JMY: variants seen among roughly 807,000 people sequenced by gnomAD.
JMY encodes the protein junction mediating and regulatory protein, p53 cofactor.
In JMY, 46 loss-of-function variants were observed where a neutral mutation model predicts 103.3. The ratio of observed to expected loss-of-function variants is 0.45; its 90% CI spans 0.35 to 0.57. The LOEUF is 0.57. Among genes scored for constraint, JMY ranks in the 20% least tolerant of loss-of-function variants. The pLI, the probability that JMY is intolerant of heterozygous loss-of-function variation, is 0.00. For missense variants in JMY, 1,238 were observed against 1,255.2 expected, an observed-to-expected ratio of 0.99 and a Z score of 0.21; for synonymous variants, 526 against 489.3, an observed-to-expected ratio of 1.07 and a Z score of -0.99.
chr5:79,322,124 A>G lies in JMY; in HGVS notation c.*522A>G, dbSNP rs1747473471. ...TCAGGCATTAAAATCAAATGGAAAT[A>G]CACCTAAAATGTCCGCATTACTCAT... On this transcript the variant is annotated 3_prime_UTR_variant, in exon 11 of 11. Coordinates refer to ENST00000396137, the MANE Select transcript of JMY (RefSeq NM_152405.5). 6.6e-6 allele frequency: 1 copy of G among 152,254 alleles called. No homozygotes were observed. The highest frequency in any genetic ancestry group is 2.4e-5 in the African/African-American group (1 of 41,470). The allele number at this position is 152,254 out of a possible 1,614,324, so 9.4% of individuals were successfully genotyped here.
chr5:79,261,160 G>A (rs979044507), intron 1 of JMY, among the ~76,000 whole-genome samples: 3 of 152,026 alleles, frequency 2.0e-5, no homozygotes, highest in Non-Finnish European at 4.4e-5. Context: ...AAGATGAAAA[G>A]CTACATGCTT....
rs751226936 is a variant in JMY at position 79,290,252 on chromosome 5, A to G, written c.1338A>G (p.Ile446Met). 7.9e-6 allele frequency: 12 copies of G among 1,511,590 alleles called. No homozygotes were observed. Among genetic ancestry groups the G allele is most frequent in the Non-Finnish European group, 4.4e-6 (5 of 1,125,006 alleles). The allele number at this position is 1,511,590 out of a possible 1,614,324, so 93.6% of individuals were successfully genotyped here. A position where few individuals can be genotyped will look rare whatever the true frequency, so the allele number is the denominator to read the frequency against. The change falls in exon 3 of 11, where the codon ATA becomes ATG. Residue 446 changes from isoleucine to methionine, a missense_variant. Ile to Met is a conservative substitution (Grantham distance 10, BLOSUM62 1). Transcript: ENST00000396137. ...ATCTTACTGTCAAGTACTTTGAAAT[A>G]ACAGCTAAAGCTCAAAAAGGTAGGT... ...IQDLTVKYFEITAKAQKAVYD... is the reference protein window; with the variant it reads ...IQDLTVKYFEMTAKAQKAVYD...
chr5:79,252,737 C>G (rs376093361), intron 1 of JMY, among the ~76,000 whole-genome samples: 3 of 152,302 alleles, frequency 2.0e-5, no homozygotes, highest in Non-Finnish European at 2.9e-5. Flanking sequence ...TAGTTGTTGT[C>G]TTGAAATCTA....
rs1468735765 is a variant in JMY, at chr5:79,300,850, T to A, written c.1868T>A (p.Leu623His). The A allele has an allele frequency of 6.3e-7, 1 of 1,590,080 alleles. No homozygotes were observed. Among genetic ancestry groups the A allele is most frequent in the East Asian group, 2.3e-5 (1 of 44,344 alleles). The change falls in exon 6 of 11, where the codon CTC becomes CAC. Residue 623 changes from leucine to histidine, a missense_variant. By Grantham distance (99) the Leu-to-His change is moderately conservative (BLOSUM62 -3). Coordinates refer to ENST00000396137, the MANE Select transcript of JMY (RefSeq NM_152405.5). ...CGGGTTTCTGCCAAGAAATCCTACC[T>A]CAGAAATAAAAAGGTATTTAAATAT... ...RGRVSAKKSY[L>H]RNKKEICIAK...
intron 10 of JMY, 125 bp downstream of exon 10, chr5:79,316,435 G>A (rs1747224408): frequency 1.5e-6 from 1 of 660,178 alleles, no homozygotes. Flanking sequence ...TTTTAGCATG[G>A]ATCACAAATT....
At chr5:79,318,536 C>T (rs183249849) in intron 10 of JMY, among the ~76,000 whole-genome samples, 24 of 152,250 alleles carry the variant, frequency 1.6e-4, no homozygotes, top group African/African-American at 5.8e-4. Context: ...TCTCCACCAG[C>T]ATCTGCATCA....
intron 2 of JMY, among the ~76,000 whole-genome samples, chr5:79,288,715 TG>T (rs1330149026): frequency 2.1e-4 from 31 of 150,374 alleles, no homozygotes; most frequent in African/African-American, 6.0e-4. Flanking sequence ...TGTTTTGTTT[TG>T]TTTTTTTTTG....
intron 1 of JMY, among the ~76,000 whole-genome samples, chr5:79,247,056 G>A (rs1008123039): frequency 1.3e-5 from 2 of 152,132 alleles, no homozygotes; most frequent in African/African-American, 4.8e-5. Flanking sequence ...TGAAAGAACC[G>A]GATTCAAATC....
In JMY at chr5:79,314,589, C is replaced by G; in HGVS notation, c.2397C>G (p.Thr799=). Reference sequence around the variant, plus strand: ...ACAACCTCGAACCATGTTCTGTTACCATAAATCCACTCCCATCCCCTCTTC... The same window carrying G: ...ACAACCTCGAACCATGTTCTGTTACGATAAATCCACTCCCATCCCCTCTTC... The part of the protein sequence containing the change: ...LNNNLEPCSV[T]INPLPSPLPP... Residue 799 remains threonine (T), a synonymous_variant, in exon 9 of 11, where the codon ACC becomes ACG. Coordinates refer to ENST00000396137, the MANE Select transcript of JMY (RefSeq NM_152405.5). The G allele has an allele frequency of 6.2e-7, 1 of 1,613,962 alleles. No homozygotes were observed. The highest frequency in any genetic ancestry group is 1.1e-5 in the South Asian group (1 of 91,062).
chr5:79,265,269 T>C (rs1745552973), intron 1 of JMY, among the ~76,000 whole-genome samples: 1 of 152,118 alleles, frequency 6.6e-6, no homozygotes, highest in South Asian at 2.1e-4. Flanking sequence ...GTTTTAATTT[T>C]ATAGATAAGT....
In JMY at chr5:79,290,276, G is replaced by A. The variant is rs1746382256; in HGVS notation, c.1357+5G>A. 11 of 1,460,576 alleles carry A rather than the reference G, an allele frequency of 7.5e-6. No individual in the cohort carries two copies. The highest frequency in any genetic ancestry group is 4.7e-5 in the South Asian group (3 of 64,172). The allele number at this position is 1,460,576 out of a possible 1,614,324, so 90.5% of individuals were successfully genotyped here. On this transcript the variant is annotated splice_donor_5th_base_variant and intron_variant, in intron 3 of 10. Coordinates refer to ENST00000396137, the MANE Select transcript of JMY (RefSeq NM_152405.5). The stretch of plus-strand genomic sequence containing the variant: ...TAACAGCTAAAGCTCAAAAAGGTAG[G>A]TTTCTCAGTAAATTTATCCTTTAGG...
At chr5:79,297,518 G>A (rs776211732) in intron 4 of JMY, among the ~76,000 whole-genome samples, 18 of 152,106 alleles carry the variant, frequency 1.2e-4, no homozygotes, top group East Asian at 1.9e-4. Context: ...CAGGGTGCCC[G>A]CTCCATACCT....
Position 79,315,132 on chromosome 5 carries a change from AG to A in JMY, c.2659+282del, listed in dbSNP as rs376021711. 3.5e-3 allele frequency among the ~76,000 whole-genome samples: 539 copies of A among 152,212 alleles called. 4 individuals carry two copies. The highest frequency in any genetic ancestry group is 0.011 in the African/African-American group (464 of 41,528). On this transcript the variant is annotated intron_variant, in intron 9 of 10. Coordinates refer to ENST00000396137, the MANE Select transcript of JMY (RefSeq NM_152405.5). ...GTGGCTCCTTTTGTGTTAGGGAAAA[AG>A]TTTTGATTTTAAACCTGAGATTTTT... is the stretch of plus-strand genomic sequence containing the variant.
intron 1 of JMY, among the ~76,000 whole-genome samples, chr5:79,266,485 A>T (rs990462297): frequency 6.6e-6 from 1 of 152,256 alleles, no homozygotes; most frequent in African/African-American, 2.4e-5. Context: ...GTACATATTT[A>T]GGTGGTACAT....
chr5:79,245,354 C>T (rs997049556), intron 1 of JMY, among the ~76,000 whole-genome samples: 4 of 151,878 alleles, frequency 2.6e-5, no homozygotes, highest in Admixed American at 2.6e-4. Flanking sequence ...CATCCTGGTG[C>T]TTGGAGGTAG....
At chr5:79,304,719 G>A (rs1304201786) in intron 6 of JMY, among the ~76,000 whole-genome samples, 1 of 152,022 alleles carries the variant, frequency 6.6e-6, no homozygotes, top group East Asian at 1.9e-4. Context: ...CTTATTATGG[G>A]ATATGGTTTC....
At position 79,306,407 on chromosome 5, in the gene JMY, C is replaced by G. The variant is rs200238517; in HGVS notation, c.1914C>G (p.Ile638Met). 735 of 1,612,888 alleles carry G rather than the reference C, an allele frequency of 4.6e-4. No individual in the cohort carries two copies. Among genetic ancestry groups the G allele is most frequent in the Non-Finnish European group, 5.8e-4 (681 of 1,179,068 alleles). ...GTATTGCAAAACACAATGAAAAAAT[C>G]CAACAGCGCACTCGGATTGAAGATG... The part of the protein sequence containing the change: ...EICIAKHNEK[I>M]QQRTRIEDEY... The change falls in exon 7 of 11, where the codon ATC becomes ATG. Residue 638 changes from isoleucine (I) to methionine (M), a missense_variant. Ile to Met is a conservative substitution (Grantham distance 10, BLOSUM62 1). Coordinates refer to ENST00000396137, the MANE Select transcript of JMY (RefSeq NM_152405.5).
At chr5:79,295,291 T>G (rs973739625) in intron 4 of JMY, among the ~76,000 whole-genome samples, 1 of 152,218 alleles carries the variant, frequency 6.6e-6, no homozygotes, top group African/African-American at 2.4e-5. Flanking sequence ...AAATTAAATT[T>G]AAATAACCAC....
Position 79,237,216 on chromosome 5 carries a change from T to C in JMY, c.566T>C (p.Val189Ala), listed in dbSNP as rs1465119669. The change falls in exon 1 of 11, where the codon GTC becomes GCC. Residue 189 changes from valine (V) to alanine (A), a missense_variant. Physicochemically the swap from Val to Ala is moderately conservative, Grantham distance 64. Transcript: ENST00000396137. ...CGGATAGTGAGCGCCTCTGGGACGG[T>C]CTCCGAGGAGATAGAGGTGCTGGAA... ...SVRIVSASGT[V>A]SEEIEVLEMV... 1.9e-6 allele frequency: 3 copies of C among 1,550,246 alleles called. No homozygotes were observed. The African/African-American group carries it at 4.1e-5, about 21-fold the overall frequency.
Sources: gnomAD v4.1 joint callset for allele counts (sites outside exome capture counted in the v4.1 genomes callset) on GRCh38, gnomAD v4.1.1 for gene constraint, MANE v1.5 for transcripts, NCBI Gene and HGNC (gene_info 2026-07-23, HGNC 2026-07-21) for gene names.